Variants in GABBR2 observed in about 807,000 individuals in gnomAD.
GABBR2 encodes G-protein coupled receptor 51.
Under a neutral mutation model 105.6 loss-of-function variants are expected in GABBR2, and 23 were observed. The observed-to-expected ratio is 0.22, with a 90% confidence interval of 0.16 to 0.31. The LOEUF (loss-of-function observed/expected upper bound fraction) is 0.31, where lower values mean the gene tolerates loss of function less well. Ranked by LOEUF, GABBR2 falls within the 10% of genes least tolerant of loss-of-function variation. GABBR2 has a pLI of 1.00. For missense variants in GABBR2, 734 were observed against 1,245.5 expected, an observed-to-expected ratio of 0.59 and a Z score of 6.18; for synonymous variants, 478 against 499.7, an observed-to-expected ratio of 0.96 and a Z score of 0.58.
At chr9:98,622,181 T>A (rs1447741181) in intron 1 of GABBR2, among the ~76,000 whole-genome samples, 3 of 152,328 alleles carry the variant, frequency 2.0e-5, no homozygotes, top group Non-Finnish European at 4.4e-5. Context: ...GCTTTGTTTT[T>A]TGAGACAGGG....
chr9:98,356,660 T>C (rs949813856), intron 13 of GABBR2, among the ~76,000 whole-genome samples: 1 of 152,210 alleles, frequency 6.6e-6, no homozygotes, highest in South Asian at 2.1e-4. Context: ...CACTCCTGGG[T>C]ATTTATCCAA....
At chr9:98,544,703 C>G (rs1828368959) in intron 2 of GABBR2, among the ~76,000 whole-genome samples, 1 of 152,096 alleles carries the variant, frequency 6.6e-6, no homozygotes. Context: ...TCTGTGAACC[C>G]CCTGAAAACT....
chr9:98,306,235 G>T lies in GABBR2; in HGVS notation c.2115C>A (p.Ile705=). ...SVYNVGIMCI[I]GAAVSFLTRD... is the part of the protein sequence containing the mutation. ...GGGTCAGGAAGGAGACAGCGGCCCC[G>T]ATGATGCACATGATCCCCACGTTGT... is the stretch of plus-strand genomic sequence containing the variant. The change falls in exon 15 of 19, where the codon ATC becomes ATA. Residue 705 remains isoleucine, a synonymous_variant. Coordinates refer to ENST00000259455, the MANE Select transcript of GABBR2 (RefSeq NM_005458.8). The surrounding 1 kb of genome is among the most constrained non-coding windows in gnomAD (Gnocchi z 5.4). 1.9e-6 allele frequency: 3 copies of T among 1,614,122 alleles called. No individual in the cohort carries two copies. Among genetic ancestry groups the T allele is most frequent in the Non-Finnish European group, 2.5e-6 (3 of 1,179,956 alleles).
chr9:98,533,039 C>T (rs1828099081), intron 3 of GABBR2, among the ~76,000 whole-genome samples: 1 of 152,152 alleles, frequency 6.6e-6, no homozygotes, highest in South Asian at 2.1e-4. Flanking sequence ...CAAACAATGT[C>T]ACATCCAAAA....
chr9:98,385,967 C>A (rs1832064985), intron 10 of GABBR2, among the ~76,000 whole-genome samples, 195 bp from the exon 11 acceptor site: 1 of 152,224 alleles, frequency 6.6e-6, no homozygotes, highest in Non-Finnish European at 1.5e-5. Flanking sequence ...TTTTCCCCAA[C>A]ACCCAGGTGC....
chr9:98,384,852 T>C (rs2091808784), intron 11 of GABBR2, among the ~76,000 whole-genome samples: 7 of 152,122 alleles, frequency 4.6e-5, no homozygotes, highest in Admixed American at 4.6e-4. Context: ...CAAACAGATA[T>C]ACATTACATT....
intron 1 of GABBR2, among the ~76,000 whole-genome samples, chr9:98,594,667 C>G (rs1291165008): frequency 6.6e-6 from 1 of 152,222 alleles, no homozygotes; most frequent in East Asian, 1.9e-4. Flanking sequence ...TGAAGAGCAG[C>G]AGCCTTTGGA....
chr9:98,664,857 G>C (rs1231283182), intron 1 of GABBR2, among the ~76,000 whole-genome samples: 1 of 152,194 alleles, frequency 6.6e-6, no homozygotes, highest in Non-Finnish European at 1.5e-5. Context: ...CAGGTGCAGT[G>C]ACTCAAGCTT....
intron 3 of GABBR2, among the ~76,000 whole-genome samples, chr9:98,501,231 C>T (rs1392636100): frequency 6.9e-6 from 1 of 144,890 alleles, no homozygotes; most frequent in African/African-American, 2.5e-5. Flanking sequence ...GCAGCATGAT[C>T]TGGGCTCACT....
intron 13 of GABBR2, among the ~76,000 whole-genome samples, chr9:98,348,832 T>G (rs962385686): frequency 2.6e-5 from 4 of 152,190 alleles, no homozygotes; most frequent in Non-Finnish European, 5.9e-5. Flanking sequence ...GTGGAGTCTT[T>G]AGGTTTTTAT....
rs143523059 is a variant in GABBR2 at position 98,387,556 on chromosome 9, CAGG to C, written c.1529+1295_1529+1297del. Among the ~76,000 whole-genome samples, 991 of 152,188 alleles carry C rather than the reference CAGG, an allele frequency of 6.5e-3. 12 individuals carry two copies. Among genetic ancestry groups the C allele is most frequent in the African/African-American group, 0.023 (950 of 41,504 alleles). On this transcript the variant is annotated intron_variant, in intron 10 of 18. Coordinates refer to ENST00000259455, the MANE Select transcript of GABBR2 (RefSeq NM_005458.8). ...ATTTGTTGTAAGTAAAATAAAATAA[CAGG>C]AGAAGAAAACTCTTTTCTGTTTTTC...
intron 7 of GABBR2, among the ~76,000 whole-genome samples, chr9:98,436,713 T>C (rs1191875361): frequency 6.6e-6 from 1 of 151,870 alleles, no homozygotes. Context: ...ACTTCACTCT[T>C]GCCTAGAATT....
At chr9:98,424,473 G>T (rs78437739) in intron 7 of GABBR2, among the ~76,000 whole-genome samples, 1 of 152,094 alleles carries the variant, frequency 6.6e-6, no homozygotes, top group Non-Finnish European at 1.5e-5. Flanking sequence ...TGTTGGAAGT[G>T]CTGGCCAGGG....
rs372307223 is a variant in GABBR2, at chr9:98,660,545, G to C, written c.321+47872C>G. Reference sequence around the variant, plus strand: ...CTTTGGTGAGTTTCCTACGGAGTCTGAGTTAGTTTCCTATTGCTACTATAA... The same window carrying C: ...CTTTGGTGAGTTTCCTACGGAGTCTCAGTTAGTTTCCTATTGCTACTATAA... On this transcript the variant is annotated intron_variant, in intron 1 of 18. Transcript: ENST00000259455. Among the ~76,000 whole-genome samples the C allele has an allele frequency of 2.4e-4, 36 of 152,344 alleles. 1 individual carries two copies. The highest frequency in any genetic ancestry group is 1.7e-3 in the South Asian group (8 of 4,824).
intron 3 of GABBR2, among the ~76,000 whole-genome samples, chr9:98,512,909 A>G: frequency 6.6e-6 from 1 of 152,180 alleles, no homozygotes; most frequent in Non-Finnish European, 1.5e-5. Context: ...AAACTACTTT[A>G]AAGTTCATAT....
Position 98,708,485 on chromosome 9 carries a change from T to C in GABBR2, c.253A>G (p.Ile85Val), listed in dbSNP as rs1230517696. The C allele has an allele frequency of 6.9e-6, 11 of 1,594,534 alleles. No individual in the cohort carries two copies. Among genetic ancestry groups the C allele is most frequent in the Non-Finnish European group, 8.5e-6 (10 of 1,170,684 alleles). ...RGVLPAVELA[I>V]EQIRNESLLR... Reference sequence around the variant, plus strand: ...AGTGACTCGTTGCGGATCTGCTCGATGGCCAGTTCCACGGCGGGGAGCACA... The same window carrying C: ...AGTGACTCGTTGCGGATCTGCTCGACGGCCAGTTCCACGGCGGGGAGCACA... The change falls in exon 1 of 19, where the codon ATC becomes GTC. Residue 85 changes from isoleucine (I) to valine (V), a missense_variant. This residue lies in a region of GABBR2 where 370 missense variants were observed against 648.9 expected (regional missense o/e 0.57). Transcript: ENST00000259455.
intron 7 of GABBR2, among the ~76,000 whole-genome samples, chr9:98,419,310 A>T (rs1185782048): frequency 6.6e-6 from 1 of 152,224 alleles, no homozygotes; most frequent in Admixed American, 6.5e-5. Flanking sequence ...CACTGGTTGC[A>T]GTGTCTCCTA....
intron 13 of GABBR2, among the ~76,000 whole-genome samples, chr9:98,352,238 A>T (rs1831411478): frequency 6.6e-6 from 1 of 152,198 alleles, no homozygotes; most frequent in Non-Finnish European, 1.5e-5. Context: ...TGGTGGTGGC[A>T]GTTGTCTACT....
intron 4 of GABBR2, among the ~76,000 whole-genome samples, chr9:98,492,952 G>C (rs1588193263): frequency 6.6e-6 from 1 of 152,298 alleles, no homozygotes. Flanking sequence ...CCTTTGGAAG[G>C]AAGTAACTTA....
Sources: allele counts gnomAD v4.1 joint callset (sites outside exome capture counted in the v4.1 genomes callset), GRCh38; gene constraint gnomAD v4.1.1; regional missense constraint gnomAD v4.1.1; non-coding constraint Gnocchi (gnomAD v3.1); transcripts MANE v1.5; gene names NCBI Gene and HGNC (gene_info 2026-07-23, HGNC 2026-07-21).